Variants in SLC24A4 observed in about 807,000 individuals in gnomAD.
The protein encoded by SLC24A4 is sodium/potassium/calcium exchanger 4.
In SLC24A4, 53 loss-of-function variants were observed where a neutral mutation model predicts 79.0. That is an observed-to-expected ratio of 0.67 (90% CI 0.54 to 0.84). The LOEUF is 0.84. Ranked by LOEUF, SLC24A4 falls within the 40% of genes least tolerant of loss-of-function variation. The pLI is 0.00. For missense variants in SLC24A4, 731 were observed against 822.0 expected, an observed-to-expected ratio of 0.89 and a Z score of 1.35; for synonymous variants, 323 against 323.8, an observed-to-expected ratio of 1.00 and a Z score of 0.03.
Position 92,454,002 on chromosome 14 carries a change from T to A in SLC24A4, c.983T>A (p.Ile328Asn). Reference protein sequence around the residue: ...KFTFPEAGLRIMITNKFGPRT... With the variant: ...KFTFPEAGLRNMITNKFGPRT... ...ACCTTCCCTGAAGCAGGCTTACGAA[T>A]CATGATCACCAATAAGTTTGGACCC... is the stretch of plus-strand genomic sequence containing the variant. Residue 328 changes from isoleucine to asparagine, a missense_variant, in exon 11 of 17, where the codon ATC (isoleucine) becomes AAC (asparagine). Physicochemically the swap from Ile to Asn is moderately radical, Grantham distance 149. Coordinates refer to ENST00000532405, the MANE Select transcript of SLC24A4 (RefSeq NM_153646.4). The A allele has an allele frequency of 1.2e-6, 2 of 1,613,822 alleles. No homozygotes were observed. The highest frequency in any genetic ancestry group is 1.7e-6 in the Non-Finnish European group (2 of 1,179,864).
At position 92,377,974 on chromosome 14, in the gene SLC24A4, G is replaced by A. The variant is rs142740560; in HGVS notation, c.241+51996G>A. ...GGACGATGAAGGTCTGGGGGTGGGA[G>A]GAGAGATGAGGCTTGGAGTCTGAGC... On this transcript the variant is annotated intron_variant, in intron 2 of 16. Coordinates refer to ENST00000532405, the MANE Select transcript of SLC24A4 (RefSeq NM_153646.4). Among the ~76,000 whole-genome samples, 1,093 of 152,130 alleles carry A rather than the reference G, an allele frequency of 7.2e-3. 13 individuals are homozygous for A. The highest frequency in any genetic ancestry group is 0.025 in the African/African-American group (1,030 of 41,472).
At position 92,384,979 on chromosome 14, in the gene SLC24A4, G is replaced by T. The variant is rs10135665; in HGVS notation, c.242-48933G>T. On this transcript the variant is annotated intron_variant, in intron 2 of 16. Transcript: ENST00000532405. ...GAGCCCCCATTCCTGTATCTGTAATGAAGGGGGATAAGGTTACCTAAGAGA... is the reference window on the plus strand; with the variant it reads ...GAGCCCCCATTCCTGTATCTGTAATTAAGGGGGATAAGGTTACCTAAGAGA... Among the ~76,000 whole-genome samples, 560 of 152,342 alleles carry T rather than the reference G, an allele frequency of 3.7e-3. 5 individuals carry two copies. The highest frequency in any genetic ancestry group is 0.013 in the African/African-American group (529 of 41,574).
intron 1 of SLC24A4, among the ~76,000 whole-genome samples, chr14:92,325,367 C>T (rs1885066597): frequency 6.6e-6 from 1 of 152,186 alleles, no homozygotes; most frequent in Admixed American, 6.5e-5. Flanking sequence ...TGCAGAATCC[C>T]AGGTCCCACC....
chr14:92,474,841 G>GTATATATATATATATATA (rs1482219582), intron 12 of SLC24A4, among the ~76,000 whole-genome samples: 1 of 33,788 alleles, frequency 3.0e-5, no homozygotes, highest in East Asian at 9.8e-4. Flanking sequence ...GTGTGTGTGT[G>GTATATATATATATATATA]TGTATATATA....
intron 2 of SLC24A4, among the ~76,000 whole-genome samples, chr14:92,332,250 C>T (rs1885522721): frequency 6.6e-6 from 1 of 152,148 alleles, no homozygotes; most frequent in Non-Finnish European, 1.5e-5. Context: ...CCACTGCACT[C>T]CAGCCTGGGT....
chr14:92,324,305 T>C (rs924832696), intron 1 of SLC24A4, among the ~76,000 whole-genome samples: 5 of 152,142 alleles, frequency 3.3e-5, no homozygotes, highest in Non-Finnish European at 5.9e-5. Flanking sequence ...TGGTCTGGGG[T>C]GGGCGAAACT....
At chr14:92,355,824 C>T (rs1253333077) in intron 2 of SLC24A4, among the ~76,000 whole-genome samples, 10 of 152,170 alleles carry the variant, frequency 6.6e-5, no homozygotes, top group African/African-American at 1.2e-4. Flanking sequence ...CGTGGTAGCT[C>T]GGCAAGTGGG....
At chr14:92,367,086 G>C (rs1887889071) in intron 2 of SLC24A4, among the ~76,000 whole-genome samples, 1 of 152,178 alleles carries the variant, frequency 6.6e-6, no homozygotes, top group South Asian at 2.1e-4. Context: ...GCAATTCTTG[G>C]AGTCCTCATT....
chr14:92,403,300 G>A (rs917290634), intron 2 of SLC24A4, among the ~76,000 whole-genome samples: 3 of 152,036 alleles, frequency 2.0e-5, no homozygotes, highest in South Asian at 2.1e-4. Flanking sequence ...AGTTCAAGAT[G>A]ACAGACTTAA....
upstream of SLC24A4, chr14:92,322,720 TG>T (rs1467918531): frequency 6.6e-6 from 1 of 151,866 alleles, no homozygotes; most frequent in Non-Finnish European, 1.5e-5. Flanking sequence ...CGTGTTGGCT[TG>T]GTGCAAGCCT....
intron 12 of SLC24A4, among the ~76,000 whole-genome samples, chr14:92,458,414 A>C (rs1595315806): frequency 6.6e-6 from 1 of 152,090 alleles, no homozygotes; most frequent in Non-Finnish European, 1.5e-5. Context: ...ACACCTGCCC[A>C]CCTGCTCTGT....
rs1884954801 is a variant in SLC24A4, at chr14:92,323,955, G to C, written c.125G>C (p.Ser42Thr). 1 of 1,610,584 alleles carries C rather than the reference G, an allele frequency of 6.2e-7. No individual in the cohort carries two copies. The highest frequency in any genetic ancestry group is 8.5e-7 in the Non-Finnish European group (1 of 1,179,180). ...LVCCASGLFGSLGHKTASASK... is the reference protein window; with the variant it reads ...LVCCASGLFGTLGHKTASASK... ...TGCTGTGCGTCCGGCCTCTTCGGCA[G>C]CTTGGGTGGGTGCTGGTACGGGTCC... The change falls in exon 1 of 17, where the codon AGC (serine) becomes ACC (threonine). Residue 42 changes from serine (S) to threonine (T), a missense_variant. Physicochemically the swap from Ser to Thr is moderately conservative, Grantham distance 58 (BLOSUM62 1). Transcript: ENST00000532405. This position sits in a 1 kb window ranked among gnomAD's most constrained non-coding sequence, Gnocchi z 4.9.
At chr14:92,438,280 C>A (rs1284639228) in intron 3 of SLC24A4, among the ~76,000 whole-genome samples, 2 of 152,188 alleles carry the variant, frequency 1.3e-5, no homozygotes, top group East Asian at 3.9e-4. Context: ...AGTTTGACTT[C>A]CATTTACCAA....
intron 2 of SLC24A4, among the ~76,000 whole-genome samples, chr14:92,394,542 A>G (rs1218056539): frequency 3.3e-5 from 5 of 152,238 alleles, no homozygotes. Flanking sequence ...AGCCTGGACA[A>G]CAGAGTGAGA....
In SLC24A4 at chr14:92,497,426, G is replaced by A. The variant is rs1389084853; in HGVS notation, c.*3798G>A. Reference sequence around the variant, plus strand: ...CTGGGATTTTGGGAAGGGTGTGGGGGGTGTCATTGCTGGATACCCGTCTTT... The same window carrying A: ...CTGGGATTTTGGGAAGGGTGTGGGGAGTGTCATTGCTGGATACCCGTCTTT... On this transcript the variant is annotated 3_prime_UTR_variant, in exon 17 of 17. Transcript: ENST00000532405. 6.6e-6 allele frequency: 1 copy of A among 152,324 alleles called. No individual in the cohort carries two copies. The highest frequency in any genetic ancestry group is 1.5e-5 in the Non-Finnish European group (1 of 68,166). 9.4% of individuals were successfully genotyped at this position (152,324 alleles called of 1,614,324 possible).
chr14:92,392,702 C>T (rs1355271013), intron 2 of SLC24A4, among the ~76,000 whole-genome samples: 1 of 152,196 alleles, frequency 6.6e-6, no homozygotes, highest in African/African-American at 2.4e-5. Context: ...TCCAGTGTGA[C>T]AGTGTTGAGA....
At chr14:92,473,909 A>ATC (rs1180446990) in intron 12 of SLC24A4, among the ~76,000 whole-genome samples, 4 of 152,196 alleles carry the variant, frequency 2.6e-5, no homozygotes, top group African/African-American at 7.2e-5. Context: ...AAATGATCCC[A>ATC]TCTCATCAGG....
At chr14:92,403,695 C>G (rs192702744) in intron 2 of SLC24A4, among the ~76,000 whole-genome samples, 104 of 152,176 alleles carry the variant, frequency 6.8e-4, no homozygotes, top group African/African-American at 2.2e-3. Context: ...TGCCTTCCCC[C>G]CTTCTAGATA....
chr14:92,407,096 A>T (rs1024308824), intron 2 of SLC24A4, among the ~76,000 whole-genome samples: 14 of 152,208 alleles, frequency 9.2e-5, no homozygotes, highest in African/African-American at 3.4e-4. Context: ...CTTTTGCTAG[A>T]TACCCTAAAT....
Sources: allele counts gnomAD v4.1 joint callset (sites outside exome capture counted in the v4.1 genomes callset), GRCh38; gene constraint gnomAD v4.1.1; non-coding constraint Gnocchi (gnomAD v3.1); transcripts MANE v1.5; gene names NCBI Gene and HGNC (gene_info 2026-07-23, HGNC 2026-07-21).